SPOP: variants seen among roughly 807,000 people sequenced by gnomAD.
The protein encoded by SPOP is speckle type BTB/POZ protein, also known as speckle-type POZ protein.
Under a neutral mutation model 45.6 loss-of-function variants are expected in SPOP, and 11 were observed. That is an observed-to-expected ratio of 0.24 (90% CI 0.15 to 0.40). SPOP has a LOEUF of 0.40. Ranked by LOEUF, SPOP falls within the 10% of genes least tolerant of loss-of-function variation. The probability of loss-of-function intolerance (pLI) is 1.00; values close to 1 mark genes in which losing one functional copy is unlikely to be tolerated. For synonymous variants in SPOP, 166 were observed against 166.3 expected (o/e 1.00, Z 0.01); for missense variants, 152 against 465.6 (o/e 0.33, Z 6.20).
chr17:49,604,832 G>A (rs190639933), intron 8 of SPOP, among the ~76,000 whole-genome samples: 95 of 152,264 alleles, frequency 6.2e-4, no homozygotes, highest in African/African-American at 3.1e-4. Flanking sequence ...ATGAAAGTCC[G>A]TTTCCCAATG....
chr17:49,622,250 T>A (rs751488292), intron 2 of SPOP, 183 bp from the exon 3 acceptor site: 1 of 743,404 alleles, frequency 1.3e-6, no homozygotes, highest in South Asian at 1.5e-5. Context: ...CACTGACCAA[T>A]AGCTTTTATA....
Position 49,619,083 on chromosome 17 carries a change from C to T in SPOP, c.378G>A (p.Val126=), listed in dbSNP as rs777389504. Residue 126 remains valine, a synonymous_variant, in exon 5 of 10, where the codon GTG becomes GTA. Transcript: ENST00000504102. The surrounding 1 kb of genome is among the most constrained non-coding windows in gnomAD (Gnocchi z 4.9). ...TCTTGAATCCCCAGTCTTTGCCTTGCACAAACCTATATGCCCGTTGACTCT... is the reference window on the plus strand; with the variant it reads ...TCTTGAATCCCCAGTCTTTGCCTTGTACAAACCTATATGCCCGTTGACTCT... ...AMESQRAYRF[V]QGKDWGFKKF... is the part of the protein sequence containing the mutation. 7.4e-6 allele frequency: 12 copies of T among 1,613,966 alleles called. No homozygotes were observed. The East Asian group carries it at 2.4e-4, about 33-fold the overall frequency.
At chr17:49,611,555 A>T in intron 5 of SPOP, 98 bp from the exon 6 acceptor site, 1 of 1,073,358 alleles carries the variant, frequency 9.3e-7, no homozygotes. Flanking sequence ...GTACATTCAG[A>T]TACTAATATT....
rs1287818595 is a variant in SPOP, at chr17:49,607,990, C to T, written c.659-61G>A. 5.9e-6 allele frequency: 9 copies of T among 1,523,668 alleles called. 1 individual carries two copies. Among genetic ancestry groups the T allele is most frequent in the Non-Finnish European group, 8.1e-6 (9 of 1,105,346 alleles). The allele number at this position is 1,523,668 out of a possible 1,614,324, so 94.4% of individuals were successfully genotyped here. A position where few individuals can be genotyped will look rare whatever the true frequency, so the allele number is the denominator to read the frequency against. ...TCACAGTGAAATCTCTTGGTTGTTG[C>T]CAGTCATGAGGGAGAGATCATTTTC... On this transcript the variant is annotated intron_variant, in intron 6 of 9. Coordinates refer to ENST00000504102, the MANE Select transcript of SPOP (RefSeq NM_001007228.2).
intron 1 of SPOP, among the ~76,000 whole-genome samples, chr17:49,667,543 C>G (rs2073079111): frequency 6.6e-6 from 1 of 152,092 alleles, no homozygotes; most frequent in Admixed American, 6.6e-5. Context: ...GCACCAAGAT[C>G]GCACCACTGC....
intron 1 of SPOP, among the ~76,000 whole-genome samples, chr17:49,629,703 G>A (rs1435396339): frequency 1.3e-5 from 2 of 152,170 alleles, no homozygotes; most frequent in African/African-American, 4.8e-5. Flanking sequence ...GTGTTACACA[G>A]ACAGCTTGTG....
intron 1 of SPOP, among the ~76,000 whole-genome samples, chr17:49,656,223 C>A (rs1567798586): frequency 6.6e-6 from 1 of 152,136 alleles, no homozygotes; most frequent in African/African-American, 2.4e-5. Flanking sequence ...AAAGTTGCAA[C>A]TAGTCTATCT....
intron 1 of SPOP, among the ~76,000 whole-genome samples, chr17:49,639,102 C>T (rs2072598962): frequency 6.6e-6 from 1 of 152,210 alleles, no homozygotes. Flanking sequence ...AGGTTCCCAA[C>T]CCTCTGAGGA....
intron 1 of SPOP, among the ~76,000 whole-genome samples, chr17:49,659,672 C>T (rs2072961272): frequency 1.3e-5 from 2 of 152,162 alleles, no homozygotes; most frequent in Admixed American, 6.5e-5. Flanking sequence ...CATCAACAAG[C>T]GGATGATATA....
chr17:49,677,072 G>A (rs1316766430), intron 1 of SPOP, among the ~76,000 whole-genome samples: 1 of 152,210 alleles, frequency 6.6e-6, no homozygotes, highest in African/African-American at 2.4e-5. Context: ...GAAGGCCGGT[G>A]CCCTTTATCT....
intron 1 of SPOP, among the ~76,000 whole-genome samples, chr17:49,655,131 C>T (rs2072890314): frequency 6.6e-6 from 1 of 152,078 alleles, no homozygotes; most frequent in South Asian, 2.1e-4. Flanking sequence ...AAGAAAGTTA[C>T]TGAGTTTAAA....
chr17:49,645,305 T>C (rs1198068814), intron 1 of SPOP, among the ~76,000 whole-genome samples: 2 of 151,810 alleles, frequency 1.3e-5, no homozygotes, highest in East Asian at 3.9e-4. Flanking sequence ...TTTCTTTCCT[T>C]CTTTTTTTTT....
At chr17:49,612,068 A>T (rs2071986723) in intron 5 of SPOP, among the ~76,000 whole-genome samples, 1 of 152,078 alleles carries the variant, frequency 6.6e-6, no homozygotes, top group Non-Finnish European at 1.5e-5. Flanking sequence ...TTGTTTACAG[A>T]GACAAGGTCT....
intron 5 of SPOP, among the ~76,000 whole-genome samples, chr17:49,615,872 C>T (rs908043166): frequency 6.6e-6 from 1 of 152,084 alleles, no homozygotes; most frequent in Non-Finnish European, 1.5e-5. Context: ...TTCCTGACTC[C>T]CTGGGCACTG....
At chr17:49,605,521 CT>C (rs1448091940) in intron 8 of SPOP, among the ~76,000 whole-genome samples, 1 of 151,436 alleles carries the variant, frequency 6.6e-6, no homozygotes, top group African/African-American at 2.4e-5. Flanking sequence ...GAAACCCTGT[CT>C]CTACTACATA....
At chr17:49,655,324 A>G (rs2072893151) in intron 1 of SPOP, among the ~76,000 whole-genome samples, 1 of 152,120 alleles carries the variant, frequency 6.6e-6, no homozygotes, top group Admixed American at 6.6e-5. Flanking sequence ...ATCCTGGCTA[A>G]CACGGTGAAA....
chr17:49,632,798 A>G (rs1243406274), intron 1 of SPOP, among the ~76,000 whole-genome samples: 1 of 152,224 alleles, frequency 6.6e-6, no homozygotes, highest in African/African-American at 2.4e-5. Flanking sequence ...ATTATAATAA[A>G]ATTCCAATAT....
Position 49,607,866 on chromosome 17 carries a change from T to C in SPOP, c.714+8A>G. 6.2e-7 allele frequency: 1 copy of C among 1,610,794 alleles called. No homozygotes were observed. ...GCTAAACAGACATGTCTTCATCTTG[T>C]TACATACCTTTTTGCTCTCCTCCAT... On this transcript the variant is annotated splice_region_variant and intron_variant, in intron 7 of 9. Coordinates refer to ENST00000504102, the MANE Select transcript of SPOP (RefSeq NM_001007228.2).
chr17:49,651,697 T>G (rs1482760310), intron 1 of SPOP, among the ~76,000 whole-genome samples: 1 of 152,180 alleles, frequency 6.6e-6, no homozygotes, highest in Non-Finnish European at 1.5e-5. Flanking sequence ...GAGTACCCAT[T>G]TTGTGATAGG....
Sources: allele counts gnomAD v4.1 joint callset (sites outside exome capture counted in the v4.1 genomes callset), GRCh38; gene constraint gnomAD v4.1.1; non-coding constraint Gnocchi (gnomAD v3.1); transcripts MANE v1.5; gene names NCBI Gene and HGNC (gene_info 2026-07-23, HGNC 2026-07-21).